The following RSF1 variants were observed in gnomAD, a reference collection of about 807,000 sequenced individuals.
RSF1 encodes HBV pX-associated protein 8.
RSF1 carries 13 observed loss-of-function variants against 145.2 expected under a neutral mutation model. The observed-to-expected ratio is 0.09, with a 90% confidence interval of 0.06 to 0.14. RSF1 has a LOEUF of 0.14. Ranked by LOEUF, RSF1 falls within the 10% of genes least tolerant of loss-of-function variation. RSF1 has a pLI of 1.00. For missense variants in RSF1, 1,517 were observed against 1,718.2 expected (o/e 0.88, Z 2.07); for synonymous variants, 577 against 592.6 (o/e 0.97, Z 0.38).
chr11:77,750,780 T>C (rs1379356592), intron 2 of RSF1, among the ~76,000 whole-genome samples: 1 of 152,246 alleles, frequency 6.6e-6, no homozygotes, highest in African/African-American at 2.4e-5. Flanking sequence ...ATCTAAAACA[T>C]GAACAATTTG....
At chr11:77,792,979 T>C (rs1039178011) in intron 1 of RSF1, among the ~76,000 whole-genome samples, 6 of 151,754 alleles carry the variant, frequency 4.0e-5, no homozygotes, top group Non-Finnish European at 5.9e-5. Context: ...AACATACAAA[T>C]GAGGAAGAGA....
intron 1 of RSF1, among the ~76,000 whole-genome samples, chr11:77,790,595 T>C (rs1308918690): frequency 2.6e-5 from 4 of 152,212 alleles, no homozygotes; most frequent in African/African-American, 9.6e-5. Context: ...GGCAAGTCCC[T>C]TCTGCCTATG....
At chr11:77,674,374 T>C (rs1162416459) in intron 14 of RSF1, among the ~76,000 whole-genome samples, 1 of 152,212 alleles carries the variant, frequency 6.6e-6, no homozygotes, top group East Asian at 1.9e-4. Flanking sequence ...TATAACAACA[T>C]CAACTACTGT....
chr11:77,805,638 A>G (rs765202887), intron 1 of RSF1, among the ~76,000 whole-genome samples: 1 of 152,232 alleles, frequency 6.6e-6, no homozygotes, highest in Admixed American at 6.5e-5. Context: ...TAACGTTTAT[A>G]TAGCATATAT....
rs1273599170 is a variant in RSF1 at position 77,681,294 on chromosome 11, G to A, written c.3065+2416C>T. Among the ~76,000 whole-genome samples, 4 of 152,148 alleles carry A rather than the reference G, an allele frequency of 2.6e-5. No homozygotes were observed. The East Asian group carries it at 7.7e-4, about 29-fold the overall frequency. On this transcript the variant is annotated intron_variant, in intron 11 of 15. Coordinates refer to ENST00000308488, the MANE Select transcript of RSF1 (RefSeq NM_016578.4). ...TAAACTATGTATTTTCATATAAAATGTATTGTGTAATGCATTTATTTATAC... is the reference window on the plus strand; with the variant it reads ...TAAACTATGTATTTTCATATAAAATATATTGTGTAATGCATTTATTTATAC...
At chr11:77,742,521 G>A (rs746068754) in intron 3 of RSF1, among the ~76,000 whole-genome samples, 2 of 151,946 alleles carry the variant, frequency 1.3e-5, no homozygotes, top group South Asian at 2.1e-4. Context: ...CTCGTGATCC[G>A]CCTGCCTTGG....
chr11:77,706,601 G>GAAC (rs1239755228), intron 5 of RSF1, among the ~76,000 whole-genome samples: 19 of 151,960 alleles, frequency 1.3e-4, no homozygotes, highest in Non-Finnish European at 1.5e-4. Flanking sequence ...GTTTTACTCT[G>GAAC]TTAACTCTGC....
At chr11:77,781,586 T>C (rs1009910203) in intron 1 of RSF1, among the ~76,000 whole-genome samples, 2 of 152,228 alleles carry the variant, frequency 1.3e-5, no homozygotes, top group Admixed American at 6.5e-5. Flanking sequence ...TTTATTATTG[T>C]CTAAGAGTTC....
intron 1 of RSF1, among the ~76,000 whole-genome samples, chr11:77,771,012 T>C (rs1326897462): frequency 1.3e-5 from 2 of 152,172 alleles, no homozygotes; most frequent in Non-Finnish European, 2.9e-5. Flanking sequence ...ATCAGATGTC[T>C]CCAGCTCCAA....
chr11:77,767,586 A>C lies in RSF1; in HGVS notation c.188-2897T>G, dbSNP rs2135941083. ...AGTTAATGGTCCACTAAGCATGCTC[A>C]GCCCATTACCTATGTGGGCTTTATT... On this transcript the variant is annotated intron_variant, in intron 1 of 15. Coordinates refer to ENST00000308488, the MANE Select transcript of RSF1 (RefSeq NM_016578.4). Among the ~76,000 whole-genome samples the C allele has an allele frequency of 4.6e-5, 7 of 152,320 alleles. No homozygotes were observed. The South Asian group carries it at 1.5e-3, about 32-fold the overall frequency.
At chr11:77,832,823 C>T in the RSF1 span, among the ~76,000 whole-genome samples, 2 of 151,796 alleles carry the variant, frequency 1.3e-5, no homozygotes. Flanking sequence ...TCTGTAACAG[C>T]AGTCCCTAAC....
At chr11:77,675,695 A>G (rs1959682771) in intron 13 of RSF1, among the ~76,000 whole-genome samples, 1 of 152,168 alleles carries the variant, frequency 6.6e-6, no homozygotes, top group Non-Finnish European at 1.5e-5. Flanking sequence ...TCTACCTCTT[A>G]AAAGATAATC....
intron 9 of RSF1, among the ~76,000 whole-genome samples, chr11:77,687,383 C>T (rs149975675): frequency 6.6e-6 from 1 of 152,190 alleles, no homozygotes; most frequent in East Asian, 1.9e-4. Context: ...TACAGATGTC[C>T]TCTTAAAGGA....
chr11:77,690,551 G>C (rs1960126380), intron 9 of RSF1, among the ~76,000 whole-genome samples: 1 of 152,150 alleles, frequency 6.6e-6, no homozygotes, highest in Non-Finnish European at 1.5e-5. Context: ...TCCTGCCTCA[G>C]CCTCCGAGTA....
At chr11:77,741,465 G>A (rs568817941) in intron 3 of RSF1, among the ~76,000 whole-genome samples, 44 of 152,156 alleles carry the variant, frequency 2.9e-4, no homozygotes, top group Non-Finnish European at 8.8e-5. Context: ...TTGAGGATGC[G>A]GTGAGCTGTG....
At chr11:77,781,279 A>C (rs984601983) in intron 1 of RSF1, among the ~76,000 whole-genome samples, 3 of 152,106 alleles carry the variant, frequency 2.0e-5, no homozygotes, top group Non-Finnish European at 4.4e-5. Flanking sequence ...TTGTATTTTT[A>C]ATAGAGATGG....
chr11:77,739,845 T>G (rs1040558948), intron 4 of RSF1, among the ~76,000 whole-genome samples: 8 of 152,172 alleles, frequency 5.3e-5, no homozygotes, highest in Admixed American at 5.2e-4. Flanking sequence ...GTATTACTCA[T>G]AGGGTTTAGG....
At chr11:77,685,768 A>G (rs182730136) in intron 9 of RSF1, among the ~76,000 whole-genome samples, 62 of 152,334 alleles carry the variant, frequency 4.1e-4, no homozygotes, top group East Asian at 3.3e-3. Context: ...TGACAAGTTG[A>G]TAAGATTAGA....
At chr11:77,820,467 G>A (rs1338141279) in intron 1 of RSF1, 61 bp downstream of exon 1, 2 of 1,497,554 alleles carry the variant, frequency 1.3e-6, no homozygotes, top group East Asian at 2.5e-5. Flanking sequence ...CGCCTGTGAA[G>A]AGCGGAGAGT....
Sources: allele counts gnomAD v4.1 joint callset (sites outside exome capture counted in the v4.1 genomes callset), GRCh38; gene constraint gnomAD v4.1.1; transcripts MANE v1.5; gene names NCBI Gene and HGNC (gene_info 2026-07-23, HGNC 2026-07-21).